The following GRK5 variants were observed in gnomAD, a reference collection of about 807,000 sequenced individuals.
GRK5 encodes g protein-coupled receptor kinase GRK5.
GRK5 carries 40 observed loss-of-function variants against 78.4 expected under a neutral mutation model. The ratio of observed to expected loss-of-function variants is 0.51; its 90% CI spans 0.40 to 0.66. The LOEUF (loss-of-function observed/expected upper bound fraction) is 0.66. Ranked by LOEUF, GRK5 falls within the 30% of genes least tolerant of loss-of-function variation. The pLI is 0.00. For missense variants in GRK5, 598 were observed against 759.9 expected, an observed-to-expected ratio of 0.79 and a Z score of 2.50; for synonymous variants, 289 against 296.8, an observed-to-expected ratio of 0.97 and a Z score of 0.27.
At position 119,452,322 on chromosome 10, in the gene GRK5, G is replaced by C. The variant is rs1489397948; in HGVS notation, c.1405-349G>C. ...AGTATGGGTAAGGGAGTGATGGCAG[G>C]AATGAGCCCTGGGCTGGGCACCCAG... On this transcript the variant is annotated intron_variant, in intron 13 of 15. Coordinates refer to ENST00000392870, the MANE Select transcript of GRK5 (RefSeq NM_005308.3). The surrounding 1 kb of genome is among the most constrained non-coding windows in gnomAD (Gnocchi z 4.4). 2 of 276,080 alleles carry C rather than the reference G, an allele frequency of 7.2e-6. No homozygotes were observed. Among genetic ancestry groups the C allele is most frequent in the East Asian group, 1.6e-4 (2 of 12,486 alleles). The allele number at this position is 276,080 out of a possible 1,614,324, so 17.1% of individuals were successfully genotyped here.
chr10:119,231,719 A>AG (rs1399987211), intron 1 of GRK5, among the ~76,000 whole-genome samples: 1 of 151,790 alleles, frequency 6.6e-6, no homozygotes, highest in African/African-American at 2.4e-5. Context: ...AAAAAAAAAA[A>AG]AAAAGAAAAA....
intron 13 of GRK5, among the ~76,000 whole-genome samples, chr10:119,449,928 C>T (rs1853241846): frequency 6.6e-6 from 1 of 152,360 alleles, no homozygotes; most frequent in African/African-American, 2.4e-5. Flanking sequence ...ATGAACAACA[C>T]TCGCCTTGGA....
chr10:119,278,072 G>T (rs977015467), intron 1 of GRK5, among the ~76,000 whole-genome samples: 1 of 152,176 alleles, frequency 6.6e-6, no homozygotes, highest in African/African-American at 2.4e-5. Context: ...AGGAACATCT[G>T]GATCATATGG....
chr10:119,443,293 A>G (rs1853074262), intron 11 of GRK5, among the ~76,000 whole-genome samples: 1 of 152,166 alleles, frequency 6.6e-6, no homozygotes. Context: ...AAAGTAGCTC[A>G]TGTTCTAGGC....
intron 1 of GRK5, among the ~76,000 whole-genome samples, chr10:119,280,101 C>A (rs1849736483): frequency 6.6e-6 from 1 of 152,166 alleles, no homozygotes; most frequent in Non-Finnish European, 1.5e-5. Flanking sequence ...AAGTCCCCTG[C>A]TCTGTGCCCA....
rs746859960 is a variant in GRK5 at position 119,380,799 on chromosome 10, C to T, written c.149-16C>T. The stretch of plus-strand genomic sequence containing the variant: ...TTCTCCTGGGTCTCATCACATTCTT[C>T]TTTTCTTGTCTCCAGACAGAGATTA... On this transcript the variant is annotated splice_polypyrimidine_tract_variant and intron_variant, in intron 2 of 15. Coordinates refer to ENST00000392870, the MANE Select transcript of GRK5 (RefSeq NM_005308.3). The T allele has an allele frequency of 1.3e-6, 2 of 1,543,772 alleles. No homozygotes were observed. The highest frequency in any genetic ancestry group is 4.5e-5 in the East Asian group (2 of 44,156).
At chr10:119,226,127 A>G (rs573230174) in intron 1 of GRK5, among the ~76,000 whole-genome samples, 3 of 151,812 alleles carry the variant, frequency 2.0e-5, no homozygotes, top group South Asian at 4.2e-4. Flanking sequence ...GATTACAGGC[A>G]TGAGCCAGCA....
At chr10:119,292,472 TA>T (rs1356263237) in intron 1 of GRK5, among the ~76,000 whole-genome samples, 1 of 152,118 alleles carries the variant, frequency 6.6e-6, no homozygotes, top group African/African-American at 2.4e-5. Flanking sequence ...TCAGATAATT[TA>T]AAAAAACCCA....
intron 1 of GRK5, among the ~76,000 whole-genome samples, chr10:119,262,463 C>G (rs1044627441): frequency 6.6e-6 from 1 of 150,800 alleles, no homozygotes; most frequent in Non-Finnish European, 1.5e-5. Flanking sequence ...CTCAGCCCCC[C>G]GAGTAGCTGG....
intron 1 of GRK5, among the ~76,000 whole-genome samples, chr10:119,321,090 A>C (rs1344992440): frequency 2.0e-5 from 3 of 152,210 alleles, no homozygotes; most frequent in African/African-American, 7.2e-5. Flanking sequence ...ATTTGTCTAG[A>C]CGTGGTGCCT....
intron 1 of GRK5, among the ~76,000 whole-genome samples, chr10:119,320,994 C>A (rs565084910): frequency 2.0e-5 from 3 of 152,384 alleles, no homozygotes; most frequent in African/African-American, 7.2e-5. Context: ...GAGAAACAAT[C>A]AAGTCCTATG....
chr10:119,424,963 A>G (rs977554898), intron 5 of GRK5, 30 bp from the exon 6 acceptor site: 2 of 1,471,826 alleles, frequency 1.4e-6, no homozygotes, highest in Non-Finnish European at 1.9e-6. Context: ...GGATTATAAA[A>G]TGTTCATCCT....
intron 1 of GRK5, among the ~76,000 whole-genome samples, chr10:119,218,899 C>CTTT (rs59377653): frequency 7.0e-6 from 1 of 142,254 alleles, no homozygotes; most frequent in Non-Finnish European, 1.5e-5. Flanking sequence ...AAATCTGAAA[C>CTTT]TTTTTTTTTT....
chr10:119,456,539 C>T lies in GRK5; in HGVS notation c.*1472C>T, dbSNP rs1297493682. On this transcript the variant is annotated 3_prime_UTR_variant, in exon 16 of 16. Coordinates refer to ENST00000392870, the MANE Select transcript of GRK5 (RefSeq NM_005308.3). This position sits in a 1 kb window ranked among gnomAD's most constrained non-coding sequence, Gnocchi z 5.5. ...CGTCCAGGACAGGGTGAACATTTGA[C>T]CTCACTGTCCCCTGCCCGGCTGAGT... The T allele has an allele frequency of 6.6e-6, 1 of 152,240 alleles. No homozygotes were observed. The highest frequency in any genetic ancestry group is 6.5e-5 in the Admixed American group (1 of 15,286). 9.4% of individuals were successfully genotyped at this position (152,240 alleles called of 1,614,324 possible). A position where few individuals can be genotyped will look rare whatever the true frequency, so the allele number is the denominator to read the frequency against.
intron 2 of GRK5, among the ~76,000 whole-genome samples, chr10:119,362,512 C>T (rs1377489241): frequency 6.6e-6 from 1 of 152,246 alleles, no homozygotes; most frequent in African/African-American, 2.4e-5. Flanking sequence ...AGCCTTCCTG[C>T]ATCTAAACTA....
intron 1 of GRK5, among the ~76,000 whole-genome samples, chr10:119,288,681 C>T (rs952922204): frequency 1.3e-5 from 2 of 152,236 alleles, no homozygotes; most frequent in Non-Finnish European, 2.9e-5. Flanking sequence ...CATCCCTCAG[C>T]ATGGACTGGC....
chr10:119,404,810 T>A (rs1852206470), intron 4 of GRK5, among the ~76,000 whole-genome samples: 1 of 152,226 alleles, frequency 6.6e-6, no homozygotes, highest in South Asian at 2.1e-4. Context: ...AGCCCTTCCA[T>A]TCCTAGGACT....
rs533034988 is a variant in GRK5, at chr10:119,225,717, C to T, written c.52+17748C>T. ...ATAGAGTCTCGCTCTGTCACCCAGG[C>T]TGGAGTGCAATGGCGCGATCTTGGC... On this transcript the variant is annotated intron_variant, in intron 1 of 15. Coordinates refer to ENST00000392870, the MANE Select transcript of GRK5 (RefSeq NM_005308.3). Among the ~76,000 whole-genome samples, 290 of 147,914 alleles carry T rather than the reference C, an allele frequency of 2.0e-3. 1 individual carries two copies. The highest frequency in any genetic ancestry group is 3.7e-3 in the Non-Finnish European group (250 of 67,574).
At chr10:119,373,886 G>C (rs139676340) in intron 2 of GRK5, among the ~76,000 whole-genome samples, 329 of 152,286 alleles carry the variant, frequency 2.2e-3, no homozygotes, top group African/African-American at 7.4e-3. Context: ...TGCCTGCGTA[G>C]TCTGCGGAGG....
Sources: gnomAD v4.1 joint callset for allele counts (sites outside exome capture counted in the v4.1 genomes callset) on GRCh38, gnomAD v4.1.1 for gene constraint, Gnocchi (gnomAD v3.1) non-coding constraint, MANE v1.5 for transcripts, NCBI Gene and HGNC (gene_info 2026-07-23, HGNC 2026-07-21) for gene names.